CDH13: variants seen among roughly 807,000 people sequenced by gnomAD.
CDH13 encodes cadherin-13.
A neutral mutation model predicts 63.8 loss-of-function variants in CDH13; 24 were observed. The observed-to-expected ratio is 0.38, with a 90% confidence interval of 0.27 to 0.53. The LOEUF is 0.53. CDH13 is among the 20% of genes least tolerant of loss of function. CDH13 has a pLI of 0.85. For missense variants in CDH13, 1,049 were observed against 903.1 expected, an observed-to-expected ratio of 1.16 and a Z score of -2.07; for synonymous variants, 503 against 355.3, an observed-to-expected ratio of 1.42 and a Z score of -4.67.
At chr16:83,260,516 G>C (rs748975899) in intron 5 of CDH13, among the ~76,000 whole-genome samples, 5 of 152,206 alleles carry the variant, frequency 3.3e-5, no homozygotes, top group Non-Finnish European at 5.9e-5. Context: ...TTTTAGCTCA[G>C]TCTTCGAGGG....
At chr16:83,784,298 A>T (rs1915731355) in intron 13 of CDH13, among the ~76,000 whole-genome samples, 1 of 152,170 alleles carries the variant, frequency 6.6e-6, no homozygotes, top group Non-Finnish European at 1.5e-5. Context: ...ACATTCACGT[A>T]TATAAAGCTC....
rs1250928781 is a variant in CDH13 at position 83,658,255 on chromosome 16, C to T, written c.1102-12535C>T. 2.2e-5 allele frequency among the ~76,000 whole-genome samples: 3 copies of T among 137,638 alleles called. No individual in the cohort carries two copies. In the Admixed American group the frequency reaches 2.2e-4, roughly 10 times the overall value. The allele number at this position is 137,638 out of a possible 152,430, so 90.3% of individuals were successfully genotyped here. A position where few individuals can be genotyped will look rare whatever the true frequency, so the allele number is the denominator to read the frequency against. ...CCTCACCAGCAAGGTCCCATGTCCT[C>T]ACCACCAGGTCCCGTATCCTCACCA... On this transcript the variant is annotated intron_variant, in intron 8 of 13. Coordinates refer to ENST00000567109, the MANE Select transcript of CDH13 (RefSeq NM_001257.5).
chr16:83,365,297 C>T (rs11640639), intron 6 of CDH13, among the ~76,000 whole-genome samples: 39,671 of 152,068 alleles, frequency 0.26, 5,250 homozygotes, highest in Middle Eastern at 0.38. Context: ...TCAAGACAGG[C>T]CTCTGACTCA....
chr16:83,091,471 G>T (rs916671612), intron 3 of CDH13, among the ~76,000 whole-genome samples: 1 of 152,156 alleles, frequency 6.6e-6, no homozygotes, highest in African/African-American at 2.4e-5. Flanking sequence ...TATGTCTACA[G>T]AGAAACTGTA....
intron 3 of CDH13, among the ~76,000 whole-genome samples, chr16:83,070,866 C>A (rs965912165): frequency 2.1e-5 from 3 of 145,676 alleles, no homozygotes; most frequent in Admixed American, 6.8e-5. Context: ...CCCCCCCCCC[C>A]CCAAATATCA....
rs1330394019 is a variant in CDH13 at position 83,779,999 on chromosome 16, G to T, written c.1713G>T (p.Leu571Phe). The T allele has an allele frequency of 6.2e-7, 1 of 1,612,914 alleles. No homozygotes were observed. The highest frequency in any genetic ancestry group is 8.5e-7 in the Non-Finnish European group (1 of 1,178,930). Residue 571 changes from leucine to phenylalanine, a missense_variant, in exon 12 of 14, where the codon TTG becomes TTT. Transcript: ENST00000567109. Reference protein sequence around the residue: ...GNPPATGTGTLLITLEDVNDN... With the variant: ...GNPPATGTGTFLITLEDVNDN... ...CTCCCGCTACGGGCACTGGGACTTT[G>T]CTGATAACCCTGGAGGACGTGAATG... is the stretch of plus-strand genomic sequence containing the variant.
chr16:83,439,440 C>G (rs1255450941), intron 6 of CDH13, among the ~76,000 whole-genome samples: 1 of 152,136 alleles, frequency 6.6e-6, no homozygotes, highest in Non-Finnish European at 1.5e-5. Flanking sequence ...ATAATTTGGG[C>G]TTGCATTATT....
intron 3 of CDH13, among the ~76,000 whole-genome samples, chr16:83,068,069 T>C (rs948296608): frequency 6.6e-6 from 1 of 152,146 alleles, no homozygotes; most frequent in African/African-American, 2.4e-5. Context: ...TTGTGAAAGA[T>C]ACAAGGAGGA....
chr16:83,666,250 A>C (rs1224983494), intron 8 of CDH13, among the ~76,000 whole-genome samples: 2 of 152,182 alleles, frequency 1.3e-5, no homozygotes, highest in Non-Finnish European at 2.9e-5. Flanking sequence ...TAATCTATTT[A>C]ATTTTCCTTT....
At chr16:83,268,099 C>G (rs766230637) in intron 5 of CDH13, among the ~76,000 whole-genome samples, 1 of 152,166 alleles carries the variant, frequency 6.6e-6, no homozygotes, top group Non-Finnish European at 1.5e-5. Flanking sequence ...CCTATGTGCA[C>G]CACTGACACA....
intron 1 of CDH13, among the ~76,000 whole-genome samples, chr16:82,842,881 G>A (rs8044562): frequency 0.28 from 43,047 of 151,920 alleles, 6,282 homozygotes; most frequent in South Asian, 0.31. Flanking sequence ...ACCTAGATCC[G>A]TTACATGTGT....
chr16:83,017,895 GT>G (rs1914959500), intron 2 of CDH13, among the ~76,000 whole-genome samples: 1 of 152,162 alleles, frequency 6.6e-6, no homozygotes, highest in Non-Finnish European at 1.5e-5. Flanking sequence ...AAAGCTTAAT[GT>G]TTTACAAAGT....
chr16:83,180,853 T>TC, intron 4 of CDH13: 2 of 1,416,622 alleles, frequency 1.4e-6, no homozygotes, highest in Non-Finnish European at 1.9e-6. Context: ...ACAAAATGTG[T>TC]TTTTTTTTTC....
intron 1 of CDH13, among the ~76,000 whole-genome samples, chr16:82,638,589 C>T (rs1378059872): frequency 6.6e-6 from 1 of 152,078 alleles, no homozygotes; most frequent in East Asian, 1.9e-4. Flanking sequence ...TCTTGGCTTT[C>T]AGGATGTGAC....
intron 8 of CDH13, among the ~76,000 whole-genome samples, chr16:83,629,456 A>C (rs4558403): frequency 0.15 from 23,122 of 152,132 alleles, 1,977 homozygotes; most frequent in East Asian, 0.35. Context: ...TGCTACTATT[A>C]TAGGATCATA....
intron 1 of CDH13, among the ~76,000 whole-genome samples, chr16:82,769,981 G>C (rs895647537): frequency 1.3e-5 from 2 of 152,220 alleles, no homozygotes; most frequent in African/African-American, 4.8e-5. Context: ...AATAAGCATA[G>C]AGTTCTAGAT....
intron 10 of CDH13, among the ~76,000 whole-genome samples, chr16:83,709,904 T>C (rs1380409517): frequency 6.6e-6 from 1 of 152,256 alleles, no homozygotes; most frequent in Non-Finnish European, 1.5e-5. Flanking sequence ...GTCATTGGAT[T>C]TGTAGAAAGA....
At chr16:83,186,166 C>T (rs1245229810) in intron 4 of CDH13, among the ~76,000 whole-genome samples, 1 of 138,470 alleles carries the variant, frequency 7.2e-6, no homozygotes, top group Non-Finnish European at 1.6e-5. Flanking sequence ...GACAGAATCT[C>T]ACTATGTCAC....
At chr16:83,168,609 TA>T (rs35460189) in intron 4 of CDH13, among the ~76,000 whole-genome samples, 1 of 151,740 alleles carries the variant, frequency 6.6e-6, no homozygotes, top group East Asian at 1.9e-4. Context: ...AAATAAATTT[TA>T]AAAAAAACGA....
Sources: gnomAD v4.1 joint callset for allele counts (sites outside exome capture counted in the v4.1 genomes callset) on GRCh38, gnomAD v4.1.1 for gene constraint, MANE v1.5 for transcripts, NCBI Gene and HGNC (gene_info 2026-07-23, HGNC 2026-07-21) for gene names.